Variants in FOCAD observed in about 807,000 individuals in gnomAD.
The protein encoded by FOCAD is KIAA1797.
Under a neutral mutation model 225.6 loss-of-function variants are expected in FOCAD, and 198 were observed. The observed-to-expected ratio is 0.88, with a 90% confidence interval of 0.78 to 0.99. FOCAD has a LOEUF of 0.99. Among genes scored for constraint, FOCAD ranks in the 50% least tolerant of loss-of-function variants. The pLI is 0.00. For synonymous variants in FOCAD, 897 were observed against 755.0 expected (o/e 1.19, Z -3.08); for missense variants, 2,713 against 2,123.6 (o/e 1.28, Z -5.46).
Position 20,867,014 on chromosome 9 carries a change from T to C in FOCAD, c.2190+2T>C, listed in dbSNP as rs779787141. Reference sequence around the variant, plus strand: ...ACCATTCTTCATCTGCCTGAAAAGGTAGGCATATCTGCTTTCTCACTGGTA... The same window carrying C: ...ACCATTCTTCATCTGCCTGAAAAGGCAGGCATATCTGCTTTCTCACTGGTA... On this transcript the variant is annotated splice_donor_variant, in intron 18 of 43. Transcript: ENST00000338382. LOFTEE classifies it high-confidence loss of function. The C allele has an allele frequency of 6.4e-7, 1 of 1,551,508 alleles. No individual in the cohort carries two copies. Among genetic ancestry groups the C allele is most frequent in the Non-Finnish European group, 8.8e-7 (1 of 1,140,244 alleles).
intron 1 of FOCAD, among the ~76,000 whole-genome samples, chr9:20,712,525 G>A (rs1824941696): frequency 1.3e-5 from 2 of 151,492 alleles, no homozygotes; most frequent in South Asian, 4.2e-4. Context: ...TGAGCCCAGT[G>A]GTGGTGGGTG....
chr9:20,745,416 G>A (rs188038169), intron 5 of FOCAD, among the ~76,000 whole-genome samples: 34 of 152,214 alleles, frequency 2.2e-4, no homozygotes, highest in South Asian at 1.9e-3. Flanking sequence ...AATATTGATC[G>A]TGCAGGAAGT....
At chr9:20,906,084 C>G (rs778604995) in intron 21 of FOCAD, among the ~76,000 whole-genome samples, 7 of 151,934 alleles carry the variant, frequency 4.6e-5, no homozygotes, top group African/African-American at 1.7e-4. Flanking sequence ...CAGACACAGA[C>G]TGATTGATAA....
chr9:20,881,846 T>C (rs766656532), intron 19 of FOCAD, 25 bp from the exon 20 acceptor site: 6 of 1,602,886 alleles, frequency 3.7e-6, no homozygotes, highest in East Asian at 2.2e-5. Context: ...TACTCTACTT[T>C]TGGTCTCCTT....
chr9:20,747,936 A>G (rs1037066675), intron 5 of FOCAD, among the ~76,000 whole-genome samples: 1 of 151,710 alleles, frequency 6.6e-6, no homozygotes, highest in Admixed American at 6.6e-5. Flanking sequence ...ATATCTACAT[A>G]CATTTCATTA....
rs562399961 is a variant in FOCAD at position 20,965,351 on chromosome 9, C to T, written c.4133-11069C>T. Among the ~76,000 whole-genome samples the T allele has an allele frequency of 6.6e-5, 10 of 152,226 alleles. No homozygotes were observed. The East Asian group carries it at 1.9e-3, about 29-fold the overall frequency. On this transcript the variant is annotated intron_variant, in intron 35 of 43. Transcript: ENST00000338382. ...ACTTGTTGCAAGGATTCTTTGGTTT[C>T]ACAGAAATCCAAAGACAGAAACTTT...
intron 28 of FOCAD, among the ~76,000 whole-genome samples, chr9:20,935,601 A>C (rs139178896): frequency 1.3e-5 from 2 of 152,074 alleles, no homozygotes; most frequent in African/African-American, 4.8e-5. Context: ...GGTTTCACCA[A>C]TTGGTCAGGC....
chr9:20,894,119 G>T (rs987620543), intron 21 of FOCAD, among the ~76,000 whole-genome samples: 2 of 151,966 alleles, frequency 1.3e-5, no homozygotes, highest in African/African-American at 4.8e-5. Flanking sequence ...CAAGTAGTTG[G>T]AATCATACGG....
intron 15 of FOCAD, 92 bp downstream of exon 15, chr9:20,823,207 T>G: frequency 7.3e-7 from 1 of 1,362,846 alleles, no homozygotes; most frequent in Non-Finnish European, 9.8e-7. Flanking sequence ...TTCAAATAAC[T>G]GAAGTCTGAG....
intron 21 of FOCAD, among the ~76,000 whole-genome samples, chr9:20,887,842 T>C (rs1348921380): frequency 6.6e-6 from 1 of 152,202 alleles, no homozygotes; most frequent in African/African-American, 2.4e-5. Context: ...TGCCTTCTTG[T>C]CAGTGCTTGA....
intron 26 of FOCAD, among the ~76,000 whole-genome samples, chr9:20,928,792 A>T (rs1322603720): frequency 1.3e-5 from 2 of 152,184 alleles, no homozygotes; most frequent in Non-Finnish European, 2.9e-5. Context: ...CCCTGTAGGA[A>T]ATAATCCATC....
intron 15 of FOCAD, among the ~76,000 whole-genome samples, chr9:20,851,831 G>T (rs772863655): frequency 4.0e-5 from 6 of 151,866 alleles, no homozygotes; most frequent in Non-Finnish European, 7.4e-5. Context: ...TTCCAATCCA[G>T]CCCACTACCT....
chr9:20,703,711 A>G (rs1221616424), intron 1 of FOCAD, among the ~76,000 whole-genome samples: 1 of 152,104 alleles, frequency 6.6e-6, no homozygotes, highest in East Asian at 1.9e-4. Flanking sequence ...TTAAATTCAA[A>G]TTCTTTTCCA....
chr9:20,810,179 G>T (rs1822903475), intron 11 of FOCAD, among the ~76,000 whole-genome samples: 1 of 152,116 alleles, frequency 6.6e-6, no homozygotes, highest in Non-Finnish European at 1.5e-5. Context: ...GTCACACAGG[G>T]TGTACTGAAT....
intron 11 of FOCAD, among the ~76,000 whole-genome samples, chr9:20,813,030 C>G (rs1823254373): frequency 6.6e-6 from 1 of 152,028 alleles, no homozygotes; most frequent in African/African-American, 2.4e-5. Flanking sequence ...CCACTTCTCC[C>G]TCCCCAACTG....
chr9:20,782,096 GA>G lies in FOCAD; in HGVS notation c.1197+168del, dbSNP rs138076096. Reference sequence around the variant, plus strand: ...CATATTCTTCTGGACTATAAGAAGGGATAGTAGTCCTGTTGTGAAATAAGTT... The same window carrying G: ...CATATTCTTCTGGACTATAAGAAGGGTAGTAGTCCTGTTGTGAAATAAGTT... On this transcript the variant is annotated intron_variant, in intron 10 of 43. Coordinates refer to ENST00000338382, the MANE Select transcript of FOCAD (RefSeq NM_001375567.1). Among the ~76,000 whole-genome samples, 3,773 of 152,250 alleles carry G rather than the reference GA, an allele frequency of 0.025. 144 individuals carry two copies. The highest frequency in any genetic ancestry group is 0.087 in the African/African-American group (3,595 of 41,524).
chr9:20,935,324 T>C (rs1402191134), intron 28 of FOCAD, among the ~76,000 whole-genome samples: 4 of 152,240 alleles, frequency 2.6e-5, no homozygotes, highest in African/African-American at 9.6e-5. Flanking sequence ...ACCTTAGTTT[T>C]GACTTACGTT....
intron 39 of FOCAD, 45 bp from the exon 40 acceptor site, chr9:20,986,243 G>C: frequency 8.2e-7 from 1 of 1,213,900 alleles, no homozygotes; most frequent in South Asian, 1.9e-5. Context: ...AGCTACTTCA[G>C]TTAATTTAAT....
intron 35 of FOCAD, among the ~76,000 whole-genome samples, chr9:20,976,011 T>TTAAC (rs1364173131): frequency 6.6e-6 from 1 of 152,060 alleles, no homozygotes; most frequent in East Asian, 1.9e-4. Flanking sequence ...CACTGTAGGG[T>TTAAC]AGTGACTATA....
Sources: allele counts gnomAD v4.1 joint callset (sites outside exome capture counted in the v4.1 genomes callset), GRCh38; gene constraint gnomAD v4.1.1; transcripts MANE v1.5; gene names NCBI Gene and HGNC (gene_info 2026-07-23, HGNC 2026-07-21).